Variants in ZC4H2 observed in about 807,000 individuals in gnomAD.
The protein encoded by ZC4H2 is zinc finger C4H2-type containing, also known as zinc finger C4H2 domain-containing protein.
For missense variants in ZC4H2, 137 were observed against 173.9 expected (o/e 0.79, Z 1.19); for synonymous variants, 84 against 66.3 (o/e 1.27, Z -1.30).
intron 1 of ZC4H2, among the ~76,000 whole-genome samples, chrX:65,024,104 C>T (rs917520265): frequency 9.5e-6 from 1 of 104,930 alleles, no homozygotes; most frequent in African/African-American, 3.4e-5. Context: ...CGGGGCCTAT[C>T]GGCGGGTGGG....
chrX:64,949,953 T>C (rs1930717010), intron 1 of ZC4H2, among the ~76,000 whole-genome samples: 1 of 112,078 alleles, frequency 8.9e-6, no homozygotes, highest in South Asian at 3.7e-4. Context: ...GTGTCAATTT[T>C]AGATCTTTCC....
chrX:65,009,921 T>C (rs1197061577), intron 1 of ZC4H2, among the ~76,000 whole-genome samples: 1 of 112,110 alleles, frequency 8.9e-6, no homozygotes, highest in Admixed American at 9.5e-5. Context: ...TAAAATCTCA[T>C]ACTCTCCAGA....
At chrX:65,034,086 CA>C (rs768065058) in intron 1 of ZC4H2, among the ~76,000 whole-genome samples, 8,192 of 45,064 alleles carry the variant, frequency 0.18, 895 homozygotes, top group African/African-American at 0.42. Flanking sequence ...AAGACTTTGT[CA>C]AAAAAAAAAA....
chrX:65,015,301 T>G (rs921624857), intron 1 of ZC4H2, among the ~76,000 whole-genome samples: 1 of 111,958 alleles, frequency 8.9e-6, no homozygotes, highest in African/African-American at 3.2e-5. Flanking sequence ...AATAAAACAC[T>G]GAATCAGACA....
At chrX:64,922,597 C>A (rs1929253546) in intron 1 of ZC4H2, among the ~76,000 whole-genome samples, 1 of 112,285 alleles carries the variant, frequency 8.9e-6, no homozygotes, top group Non-Finnish European at 1.9e-5. Context: ...GGACATGGGC[C>A]AGAGATGCTA....
intron 1 of ZC4H2, among the ~76,000 whole-genome samples, chrX:64,971,104 G>T (rs1278650261): frequency 8.9e-6 from 1 of 112,140 alleles, no homozygotes; most frequent in Non-Finnish European, 1.9e-5. Context: ...TTTTAAAAAA[G>T]GTTTTTTAAA....
At chrX:65,022,931 C>T (rs1339336372) in intron 1 of ZC4H2, among the ~76,000 whole-genome samples, 2 of 111,690 alleles carry the variant, frequency 1.8e-5, no homozygotes, top group Non-Finnish European at 3.8e-5. Context: ...TTCTTCATTG[C>T]TTCTTTTTAT....
At chrX:64,958,751 A>G (rs1275957389) in intron 1 of ZC4H2, among the ~76,000 whole-genome samples, 2 of 111,462 alleles carry the variant, frequency 1.8e-5, no homozygotes, top group Middle Eastern at 4.6e-3. Flanking sequence ...CAGGATGGCT[A>G]TAACAGTTCA....
At chrX:64,918,472 T>C (rs1001687383) in intron 4 of ZC4H2, 4 of 113,717 alleles carry the variant, frequency 3.5e-5, no homozygotes, top group African/African-American at 1.3e-4. Flanking sequence ...AATGTCTCTT[T>C]GTTTGACTAT....
At chrX:64,962,961 C>G (rs1450546134) in intron 1 of ZC4H2, among the ~76,000 whole-genome samples, 1 of 111,037 alleles carries the variant, frequency 9.0e-6, no homozygotes, top group African/African-American at 3.3e-5. Context: ...TTATAAAAAT[C>G]CCAATGGCAT....
chrX:65,002,219 C>A lies in ZC4H2; in HGVS notation c.-272+32410G>T, dbSNP rs200337342. Among the ~76,000 whole-genome samples, 10 of 112,205 alleles carry A rather than the reference C, an allele frequency of 8.9e-5. No individual in the cohort carries two copies. In the East Asian group the frequency reaches 2.8e-3, roughly 32 times the overall value. On this transcript the variant is annotated intron_variant, in intron 1 of 4. Coordinates refer to the ZC4H2 transcript ENST00000337990. ...GAAGTAAAACACTCCTGAGCAAATG[C>A]AAAAGAATGGAAATCATAACAAACA...
chrX:64,930,135 T>C (rs984368958), intron 1 of ZC4H2, among the ~76,000 whole-genome samples: 1 of 111,607 alleles, frequency 9.0e-6, no homozygotes, highest in African/African-American at 3.3e-5. Context: ...GCGGCTGTTG[T>C]AAAATGGGTT....
At chrX:64,960,616 T>C (rs772166863) in intron 1 of ZC4H2, among the ~76,000 whole-genome samples, 74 of 112,216 alleles carry the variant, frequency 6.6e-4, no homozygotes, top group African/African-American at 2.0e-3. Flanking sequence ...GCAAGACTTA[T>C]AGGGATAAAA....
At chrX:65,034,443 C>T (rs1215924938) in intron 1 of ZC4H2, among the ~76,000 whole-genome samples, 2 of 111,606 alleles carry the variant, frequency 1.8e-5, no homozygotes, top group Non-Finnish European at 3.8e-5. Flanking sequence ...AAGACAAATA[C>T]GTAGGCAAAT....
intron 1 of ZC4H2, among the ~76,000 whole-genome samples, chrX:64,958,807 T>C (rs1046393276): frequency 1.4e-4 from 16 of 111,525 alleles, no homozygotes; most frequent in Non-Finnish European, 1.5e-4. Context: ...TGTGTTTGCA[T>C]TCAGAAAGAT....
chrX:65,031,931 G>A (rs1021822434), intron 1 of ZC4H2, among the ~76,000 whole-genome samples: 1 of 112,303 alleles, frequency 8.9e-6, no homozygotes, highest in Non-Finnish European at 1.9e-5. Flanking sequence ...TATATAAGTT[G>A]TATAGAATTT....
intron 1 of ZC4H2, among the ~76,000 whole-genome samples, chrX:65,007,658 T>C (rs1040639637): frequency 9.0e-6 from 1 of 111,360 alleles, no homozygotes; most frequent in African/African-American, 3.3e-5. Flanking sequence ...ACTGGGGAGG[T>C]GCAACAATAA....
At chrX:64,953,612 C>A (rs1046399935) in intron 1 of ZC4H2, among the ~76,000 whole-genome samples, 7 of 112,024 alleles carry the variant, frequency 6.2e-5, no homozygotes, top group Non-Finnish European at 9.4e-5. Context: ...CAAATCAAAA[C>A]CACAATGAGA....
intron 1 of ZC4H2, among the ~76,000 whole-genome samples, chrX:65,023,788 T>C (rs1932854861): frequency 9.0e-6 from 1 of 111,678 alleles, no homozygotes; most frequent in Admixed American, 9.5e-5. Context: ...ATCATTCTAC[T>C]ATAAAGACAC....
Sources: gnomAD v4.1 joint callset for allele counts (sites outside exome capture counted in the v4.1 genomes callset) on GRCh38, gnomAD v4.1.1 for gene constraint, MANE v1.5 for transcripts, NCBI Gene and HGNC (gene_info 2026-07-23, HGNC 2026-07-21) for gene names.